Variants in MTHFD1 observed in about 807,000 individuals in gnomAD.
The protein encoded by MTHFD1 is methylenetetrahydrofolate dehydrogenase, cyclohydrolase and formyltetrahydrofolate synthetase 1, also known as C-1-tetrahydrofolate synthase, cytoplasmic.
In MTHFD1, 44 loss-of-function variants were observed where a neutral mutation model predicts 110.3. That is an observed-to-expected ratio of 0.40 (90% CI 0.31 to 0.51). The LOEUF is 0.51. Ranked by LOEUF, MTHFD1 falls within the 20% of genes least tolerant of loss-of-function variation. MTHFD1 has a pLI of 0.60. For synonymous variants in MTHFD1, 402 were observed against 428.8 expected (o/e 0.94, Z 0.77); for missense variants, 909 against 1,173.1 (o/e 0.77, Z 3.29).
chr14:64,442,857 G>A (rs1479071802), intron 21 of MTHFD1, among the ~76,000 whole-genome samples: 2 of 152,114 alleles, frequency 1.3e-5, no homozygotes, highest in African/African-American at 4.8e-5. Context: ...GAGTGGGGGA[G>A]AGGAGAATGG....
intron 8 of MTHFD1, among the ~76,000 whole-genome samples, chr14:64,421,904 C>T (rs572041949): frequency 9.9e-5 from 15 of 152,228 alleles, no homozygotes; most frequent in Middle Eastern, 6.8e-3. Context: ...GGATTACAGG[C>T]GTGAGCCACC....
intron 2 of MTHFD1, among the ~76,000 whole-genome samples, chr14:64,408,004 C>G (rs1334969776): frequency 1.4e-5 from 2 of 142,554 alleles, no homozygotes; most frequent in Admixed American, 1.4e-4. Context: ...AAAAATGAAC[C>G]AGTAGACCAA....
chr14:64,433,408 T>C (rs2078175954), intron 15 of MTHFD1, among the ~76,000 whole-genome samples: 1 of 152,098 alleles, frequency 6.6e-6, no homozygotes, highest in Non-Finnish European at 1.5e-5. Flanking sequence ...CGTGAGCCAC[T>C]GTACCCGGCC....
chr14:64,445,545 T>C (rs1348932225), intron 22 of MTHFD1, among the ~76,000 whole-genome samples: 1 of 152,222 alleles, frequency 6.6e-6, no homozygotes, highest in Non-Finnish European at 1.5e-5. Context: ...TTTTTCTGCC[T>C]TTTTGGAAGG....
rs918705986 is a variant in MTHFD1 at position 64,449,457 on chromosome 14, G to A, written c.2292G>A (p.Glu764=). 6.2e-7 allele frequency: 1 copy of A among 1,613,428 alleles called. No individual in the cohort carries two copies. The highest frequency in any genetic ancestry group is 8.5e-7 in the Non-Finnish European group (1 of 1,180,038). ...VAVNAFKTDT[E]SELDLISRLS... Reference sequence around the variant, plus strand: ...GCTTCCTTTATAGGACGGATACAGAGTCTGAGCTGGACCTCATCAGCCGCC... The same window carrying A: ...GCTTCCTTTATAGGACGGATACAGAATCTGAGCTGGACCTCATCAGCCGCC... Residue 764 remains glutamate (E), a synonymous_variant, in exon 24 of 28, where the codon GAG becomes GAA. Transcript: ENST00000652337.
At chr14:64,402,058 T>C (rs1240050952) in intron 2 of MTHFD1, among the ~76,000 whole-genome samples, 6 of 152,234 alleles carry the variant, frequency 3.9e-5, no homozygotes, top group African/African-American at 7.2e-5. Flanking sequence ...TTCTTTGATG[T>C]TGTACCAGGA....
Position 64,419,831 on chromosome 14 carries a change from C to G in MTHFD1, c.633C>G (p.Ile211Met), listed in dbSNP as rs772894387. The G allele has an allele frequency of 6.2e-7, 1 of 1,613,462 alleles. No individual in the cohort carries two copies. Among genetic ancestry groups the G allele is most frequent in the Admixed American group, 1.7e-5 (1 of 59,996 alleles). Reference protein sequence around the residue: ...HLDEEVNKGDILVVATGQPEM... With the variant: ...HLDEEVNKGDMLVVATGQPEM... ...ACCCCTAGGTAAATAAAGGTGACAT[C>G]CTGGTGGTTGCAACTGGTCAGCCTG... The change falls in exon 8 of 28, where the codon ATC becomes ATG. Residue 211 changes from isoleucine (I) to methionine (M), a missense_variant. Ile to Met is a conservative substitution (Grantham distance 10, BLOSUM62 1). Transcript: ENST00000652337.
intron 2 of MTHFD1, among the ~76,000 whole-genome samples, chr14:64,409,158 C>A (rs1019195556): frequency 6.6e-6 from 1 of 152,146 alleles, no homozygotes; most frequent in Non-Finnish European, 1.5e-5. Flanking sequence ...ACAACAACAG[C>A]GAGAGACTTC....
Position 64,417,756 on chromosome 14 carries a change from A to C in MTHFD1, c.479-132A>C. ...TTGAGAATATTATTGCCAAAGAAGG[A>C]ATGCTTTTAGGAAGGTTTCTGTTTG... On this transcript the variant is annotated intron_variant, in intron 6 of 27. Transcript: ENST00000652337. This position sits in a 1 kb window ranked among gnomAD's most constrained non-coding sequence, Gnocchi z 4.4. 3 of 1,141,526 alleles carry C rather than the reference A, an allele frequency of 2.6e-6. No homozygotes were observed. The highest frequency in any genetic ancestry group is 3.9e-6 in the Non-Finnish European group (3 of 767,158). The allele number at this position is 1,141,526 out of a possible 1,614,324, so 70.7% of individuals were successfully genotyped here.
rs182377950 is a variant in MTHFD1 at position 64,415,126 on chromosome 14, C to T, written c.241-232C>T. ...CTGGGATTACAGGCATGAGACACCT[C>T]GCCCAGCCTCTTAGCTCTTTTATTT... On this transcript the variant is annotated intron_variant, in intron 4 of 27. Coordinates refer to ENST00000652337, the MANE Select transcript of MTHFD1 (RefSeq NM_005956.4). Among the ~76,000 whole-genome samples, 8 of 152,320 alleles carry T rather than the reference C, an allele frequency of 5.3e-5. No homozygotes were observed. The East Asian group carries it at 1.3e-3, about 26-fold the overall frequency.
intron 15 of MTHFD1, 38 bp from the exon 16 acceptor site, chr14:64,435,531 T>C: frequency 7.3e-7 from 1 of 1,368,208 alleles, no homozygotes; most frequent in African/African-American, 1.4e-5. Flanking sequence ...GTGCTTCTGT[T>C]TGTCTTATTT....
chr14:64,429,968 G>GT (rs1327640013), intron 12 of MTHFD1, among the ~76,000 whole-genome samples: 2 of 152,098 alleles, frequency 1.3e-5, no homozygotes, highest in Non-Finnish European at 2.9e-5. Flanking sequence ...AAGATAATGA[G>GT]TAGGTATATA....
chr14:64,435,596 A>C lies in MTHFD1; in HGVS notation c.1522A>C (p.Thr508Pro). The C allele has an allele frequency of 1.9e-6, 3 of 1,609,968 alleles. No homozygotes were observed. Among genetic ancestry groups the C allele is most frequent in the Non-Finnish European group, 2.6e-6 (3 of 1,176,290 alleles). Residue 508 changes from threonine to proline, a missense_variant, in exon 16 of 28, where the codon ACC becomes CCC. By Grantham distance (38) the Thr-to-Pro change is conservative. Around this residue, in one of 3 missense-constraint regions of MTHFD1, gnomAD observed 482 missense variants for 646.0 expected, o/e 0.75. Transcript: ENST00000652337. ...KRLGIEKTDP[T>P]TLTDEEINRF... The stretch of plus-strand genomic sequence containing the variant: ...ACTAGGCATTGAAAAGACTGACCCT[A>C]CCACACTGACAGATGAAGAGATAAA...
At chr14:64,425,291 C>T (rs1277282149) in intron 9 of MTHFD1, among the ~76,000 whole-genome samples, 1 of 150,842 alleles carries the variant, frequency 6.6e-6, no homozygotes, top group Non-Finnish European at 1.5e-5. Flanking sequence ...TGGCTTACCG[C>T]AACCTCCATC....
At chr14:64,392,120 A>G (rs915539579) in intron 1 of MTHFD1, among the ~76,000 whole-genome samples, 3 of 152,190 alleles carry the variant, frequency 2.0e-5, no homozygotes, top group Admixed American at 6.5e-5. Context: ...AAGCCTGCCA[A>G]TGTTGTGAGG....
chr14:64,448,103 C>T, intron 22 of MTHFD1, 114 bp from the exon 23 acceptor site: 2 of 774,370 alleles, frequency 2.6e-6, no homozygotes, highest in South Asian at 1.5e-5. Context: ...TCTTGGCCTC[C>T]TTGTCCTGAT....
At position 64,431,969 on chromosome 14, in the gene MTHFD1, A is replaced by G. The variant is rs547838556; in HGVS notation, c.1494+108A>G. Reference sequence around the variant, plus strand: ...AGTAGCCTATTTTAGATGAAGTTACATCAGTAATCATAGTCTTAAAGTCAT... The same window carrying G: ...AGTAGCCTATTTTAGATGAAGTTACGTCAGTAATCATAGTCTTAAAGTCAT... On this transcript the variant is annotated intron_variant, in intron 15 of 27. Coordinates refer to ENST00000652337, the MANE Select transcript of MTHFD1 (RefSeq NM_005956.4). 3,528 of 903,896 alleles carry G rather than the reference A, an allele frequency of 3.9e-3. 10 individuals are homozygous for G. Among genetic ancestry groups the G allele is most frequent in the South Asian group, 1.0e-2 (718 of 72,062 alleles). The allele number at this position is 903,896 out of a possible 1,614,324, so 56.0% of individuals were successfully genotyped here. A position where few individuals can be genotyped will look rare whatever the true frequency, so the allele number is the denominator to read the frequency against.
Position 64,425,617 on chromosome 14 carries a change from T to C in MTHFD1, c.856-113T>C, listed in dbSNP as rs1596544240. On this transcript the variant is annotated intron_variant, in intron 9 of 27. Transcript: ENST00000652337. ...GCTAGGATTGAAGCATGGTAATAAGTGGGTCTGAAGCAGTTCATTTTGTGA... is the reference window on the plus strand; with the variant it reads ...GCTAGGATTGAAGCATGGTAATAAGCGGGTCTGAAGCAGTTCATTTTGTGA... 5 of 870,492 alleles carry C rather than the reference T, an allele frequency of 5.7e-6. No individual in the cohort carries two copies. In the East Asian group the frequency reaches 9.7e-5, roughly 17 times the overall value. 53.9% of individuals were successfully genotyped at this position (870,492 alleles called of 1,614,324 possible).
chr14:64,445,447 A>G (rs1455356228), intron 22 of MTHFD1, among the ~76,000 whole-genome samples: 1 of 152,206 alleles, frequency 6.6e-6, no homozygotes, highest in Non-Finnish European at 1.5e-5. Context: ...CATCAAAGAA[A>G]CATCTCTAAA....
Sources: gnomAD v4.1 joint callset for allele counts (sites outside exome capture counted in the v4.1 genomes callset) on GRCh38, gnomAD v4.1.1 for gene constraint, gnomAD v4.1.1 regional missense constraint, Gnocchi (gnomAD v3.1) non-coding constraint, MANE v1.5 for transcripts, NCBI Gene and HGNC (gene_info 2026-07-23, HGNC 2026-07-21) for gene names.